The following NPNT variants were observed in gnomAD, a reference collection of about 807,000 sequenced individuals.
The protein encoded by NPNT is preosteoblast EGF-like repeat protein with MAM domain.
A neutral mutation model predicts 68.6 loss-of-function variants in NPNT; 45 were observed. The observed-to-expected ratio is 0.66, with a 90% CI of 0.52 to 0.84. NPNT has a LOEUF of 0.84. NPNT is among the 40% of genes least tolerant of loss of function. NPNT has a pLI of 0.00. For missense variants in NPNT, 672 were observed against 714.8 expected, an observed-to-expected ratio of 0.94 and a Z score of 0.68; for synonymous variants, 233 against 253.3, an observed-to-expected ratio of 0.92 and a Z score of 0.76.
intron 3 of NPNT, among the ~76,000 whole-genome samples, chr4:105,932,090 G>A (rs1332582570): frequency 1.3e-5 from 2 of 151,988 alleles, no homozygotes; most frequent in African/African-American, 4.8e-5. Context: ...TAATATTGAC[G>A]ATCTATTATG....
At chr4:105,950,387 A>C (rs1730730314) in intron 8 of NPNT, among the ~76,000 whole-genome samples, 2 of 152,116 alleles carry the variant, frequency 1.3e-5, no homozygotes, top group South Asian at 4.1e-4. Context: ...AATCCTTATG[A>C]CACATTTACT....
At chr4:105,955,336 C>G (rs1731135618) in intron 8 of NPNT, among the ~76,000 whole-genome samples, 1 of 152,098 alleles carries the variant, frequency 6.6e-6, no homozygotes, top group African/African-American at 2.4e-5. Flanking sequence ...CTGCATTGAT[C>G]AAAATAGCTC....
intron 8 of NPNT, among the ~76,000 whole-genome samples, chr4:105,956,844 C>G (rs925964668): frequency 6.6e-6 from 1 of 151,968 alleles, no homozygotes; most frequent in Admixed American, 6.6e-5. Flanking sequence ...TCATTGCTGC[C>G]CAGCTGGGTA....
At position 105,942,472 on chromosome 4, in the gene NPNT, C is replaced by T; in HGVS notation, c.929C>T (p.Pro310Leu). Residue 310 changes from proline to leucine, a missense_variant, in exon 8 of 12, where the codon CCT becomes CTT. Physicochemically the swap from Pro to Leu is moderately conservative, Grantham distance 98 (BLOSUM62 -3). Transcript: ENST00000379987. ...PYIPPIITNR[P>L]TSKPTTRPTP... is the part of the protein sequence containing the mutation. ...ATTCCTCCTATCATTACCAACAGGC[C>T]TACTTCTAAGCCAACAACAAGACCT... 1 of 1,613,408 alleles carries T rather than the reference C, an allele frequency of 6.2e-7. No homozygotes were observed. Among genetic ancestry groups the T allele is most frequent in the Non-Finnish European group, 8.5e-7 (1 of 1,179,810 alleles).
chr4:105,939,776 A>C (rs1007271291), intron 5 of NPNT, among the ~76,000 whole-genome samples: 4 of 152,178 alleles, frequency 2.6e-5, no homozygotes, highest in African/African-American at 9.7e-5. Context: ...GAGTTAAAGG[A>C]AAGAGGGTTG....
intron 2 of NPNT, among the ~76,000 whole-genome samples, chr4:105,915,236 C>G (rs1031393290): frequency 3.3e-5 from 5 of 152,070 alleles, no homozygotes; most frequent in African/African-American, 1.2e-4. Flanking sequence ...TCCTTTAGTG[C>G]AAATGCCTGG....
chr4:105,907,273 A>G (rs17036366), intron 2 of NPNT, among the ~76,000 whole-genome samples: 6,868 of 152,216 alleles, frequency 0.045, 318 homozygotes, highest in African/African-American at 0.12. Flanking sequence ...TGAAATCCTG[A>G]TGCACATATA....
rs1400395773 is a variant in NPNT, at chr4:105,945,896, AC to A, written c.1159+3195del. Among the ~76,000 whole-genome samples, 131 of 152,354 alleles carry A rather than the reference AC, an allele frequency of 8.6e-4. 1 individual carries two copies. Among genetic ancestry groups the A allele is most frequent in the Admixed American group, 8.6e-3 (131 of 15,296 alleles). On this transcript the variant is annotated intron_variant, in intron 8 of 11. Coordinates refer to ENST00000379987, the MANE Select transcript of NPNT (RefSeq NM_001033047.3). ...TCACAGCATATATTTACTAGCTTGCACAAATTTTTTAATGTTAGCAAGATTT... is the reference window on the plus strand; with the variant it reads ...TCACAGCATATATTTACTAGCTTGCAAAATTTTTTAATGTTAGCAAGATTT...
chr4:105,929,455 T>A (rs1451994581), intron 3 of NPNT: 1 of 152,230 alleles, frequency 6.6e-6, no homozygotes, highest in Non-Finnish European at 1.5e-5. Flanking sequence ...AATACTCTTT[T>A]TAACTTGAAA....
chr4:105,904,698 T>C (rs1214774206), intron 2 of NPNT, among the ~76,000 whole-genome samples: 1 of 152,088 alleles, frequency 6.6e-6, no homozygotes, highest in African/African-American at 2.4e-5. Flanking sequence ...TTTTTTTTTC[T>C]TTGAGACGGG....
intron 8 of NPNT, among the ~76,000 whole-genome samples, chr4:105,949,822 G>T (rs1322580299): frequency 6.6e-6 from 1 of 152,140 alleles, no homozygotes; most frequent in Admixed American, 6.5e-5. Flanking sequence ...ACTCCAATTA[G>T]ATATAAAATA....
chr4:105,911,731 AG>A, intron 2 of NPNT: 1 of 173,766 alleles, frequency 5.8e-6, no homozygotes, highest in South Asian at 1.2e-4. Context: ...TGTAAGAAAC[AG>A]GTAAGTAAAA....
intron 2 of NPNT, among the ~76,000 whole-genome samples, chr4:105,916,897 A>G (rs1578602537): frequency 6.6e-6 from 1 of 152,224 alleles, no homozygotes; most frequent in East Asian, 1.9e-4. Flanking sequence ...TTTAAAAAAA[A>G]GATGGACAAG....
intron 8 of NPNT, among the ~76,000 whole-genome samples, chr4:105,946,683 G>T (rs12511099): frequency 0.83 from 126,778 of 151,960 alleles, 54,402 homozygotes; most frequent in East Asian, 1. Context: ...AAGATCACAT[G>T]CTTCAAAGGG....
chr4:105,940,036 C>T, intron 5 of NPNT, 39 bp from the exon 6 acceptor site: 1 of 1,593,518 alleles, frequency 6.3e-7, no homozygotes, highest in Non-Finnish European at 8.6e-7. Flanking sequence ...CTTAACATAC[C>T]CTTGCTCTTC....
At chr4:105,895,992 A>G in intron 1 of NPNT, 1 of 483,344 alleles carries the variant, frequency 2.1e-6, no homozygotes. Context: ...GGACTGAGGG[A>G]GAGGAGCCGC....
intron 3 of NPNT, among the ~76,000 whole-genome samples, chr4:105,931,927 G>T (rs112372076): frequency 1.3e-5 from 2 of 152,280 alleles, no homozygotes; most frequent in Admixed American, 6.5e-5. Context: ...ACATAATGGT[G>T]TTGAAACAGA....
Position 105,895,662 on chromosome 4 carries a change from C to A in NPNT, c.10C>A (p.Leu4Ile). The change falls in exon 1 of 12, where the codon CTC becomes ATC. Residue 4 changes from leucine to isoleucine, a missense_variant. Physicochemically the swap from Leu to Ile is conservative, Grantham distance 5 (BLOSUM62 2). Transcript: ENST00000379987. ...GGACCCGCTGCCCAACATGGATTTT[C>A]TCCTGGCGCTGGTGCTGGTATCCTC... MDF[L>I]LALVLVSSLY... 1 of 1,551,680 alleles carries A rather than the reference C, an allele frequency of 6.4e-7. No individual in the cohort carries two copies. The highest frequency in any genetic ancestry group is 1.2e-5 in the South Asian group (1 of 84,060).
chr4:105,929,081 A>G (rs1310889251), intron 3 of NPNT, among the ~76,000 whole-genome samples: 2 of 151,994 alleles, frequency 1.3e-5, no homozygotes, highest in African/African-American at 4.8e-5. Context: ...CAAGCCCTGC[A>G]TGCATTAGGT....
Sources: allele counts gnomAD v4.1 joint callset (sites outside exome capture counted in the v4.1 genomes callset), GRCh38; gene constraint gnomAD v4.1.1; transcripts MANE v1.5; gene names NCBI Gene and HGNC (gene_info 2026-07-23, HGNC 2026-07-21).